Variants in ASCC3 observed in about 807,000 individuals in gnomAD.
The protein encoded by ASCC3 is ASC-1 complex subunit P200.
Under a neutral mutation model 256.3 loss-of-function variants are expected in ASCC3, and 158 were observed. That is an observed-to-expected ratio of 0.62 (90% CI 0.54 to 0.70). The LOEUF (loss-of-function observed/expected upper bound fraction) is 0.70, where lower values mean the gene tolerates loss of function less well. ASCC3 is among the 30% of genes least tolerant of loss of function. The probability of loss-of-function intolerance (pLI) is 0.00; values close to 1 mark genes in which losing one functional copy is unlikely to be tolerated. For missense variants in ASCC3, 2,259 were observed against 2,626.0 expected (o/e 0.86, Z 3.05); for synonymous variants, 948 against 883.4 (o/e 1.07, Z -1.30).
chr6:100,689,273 C>T (rs914788130), intron 13 of ASCC3, among the ~76,000 whole-genome samples: 7 of 152,152 alleles, frequency 4.6e-5, no homozygotes, highest in East Asian at 3.8e-4. Flanking sequence ...GGTCATACTA[C>T]GTGCTAGGTC....
chr6:100,630,303 T>A (rs1169878464), intron 26 of ASCC3, among the ~76,000 whole-genome samples: 2 of 152,134 alleles, frequency 1.3e-5, no homozygotes, highest in Non-Finnish European at 2.9e-5. Context: ...TTTAAAGATT[T>A]ACATTTTATA....
At chr6:100,798,211 T>A (rs1005087453) in intron 8 of ASCC3, among the ~76,000 whole-genome samples, 4 of 152,082 alleles carry the variant, frequency 2.6e-5, no homozygotes, top group African/African-American at 9.7e-5. Context: ...ATAGAGCAAA[T>A]GTGCCAAAAT....
intron 10 of ASCC3, among the ~76,000 whole-genome samples, chr6:100,747,930 G>C (rs1780761811): frequency 6.6e-6 from 1 of 151,898 alleles, no homozygotes; most frequent in South Asian, 2.1e-4. Context: ...GCTTTCCTTA[G>C]AATATAATTG....
chr6:100,679,668 G>A lies in ASCC3; in HGVS notation c.2236C>T (p.Pro746Ser), dbSNP rs1258915725. The A allele has an allele frequency of 3.1e-6, 5 of 1,613,502 alleles. No individual in the cohort carries two copies. In the South Asian group the frequency reaches 5.5e-5, roughly 18 times the overall value. ...TGTCCTTGGGTAGGAAAAAAGAAGG[G>A]AATATGGCCACAATTTTTTGCTCTT... ...IERAKNCGHI[P>S]FFFPTQGHDY... The change falls in exon 14 of 42, where the codon CCC (proline) becomes TCC (serine). Residue 746 changes from proline (P) to serine (S), a missense_variant. This residue lies in a region of ASCC3 where 1,839 missense variants were observed against 2,206.7 expected (regional missense o/e 0.83). Coordinates refer to ENST00000369162, the MANE Select transcript of ASCC3 (RefSeq NM_006828.4).
intron 16 of ASCC3, among the ~76,000 whole-genome samples, chr6:100,658,211 C>G (rs1426260739): frequency 6.6e-6 from 1 of 151,474 alleles, no homozygotes; most frequent in Non-Finnish European, 1.5e-5. Context: ...TCTAACATGA[C>G]ATTTCTAAAA....
chr6:100,623,682 C>T (rs1774080733), intron 30 of ASCC3, among the ~76,000 whole-genome samples: 1 of 152,118 alleles, frequency 6.6e-6, no homozygotes, highest in African/African-American at 2.4e-5. Context: ...CTGATTTCAT[C>T]TGTTTTCATT....
At chr6:100,780,155 A>C (rs1427473138) in intron 8 of ASCC3, among the ~76,000 whole-genome samples, 1 of 152,194 alleles carries the variant, frequency 6.6e-6, no homozygotes, top group African/African-American at 2.4e-5. Flanking sequence ...ATGTATCTAA[A>C]ATATCATCTT....
intron 11 of ASCC3, among the ~76,000 whole-genome samples, chr6:100,723,876 A>ATATATATATATATTTATAAT (rs1554220104): frequency 1.2e-4 from 16 of 131,160 alleles, no homozygotes; most frequent in Non-Finnish European, 2.2e-4. Context: ...ATATATATAT[A>ATATATATATATATTTATAAT]TATATATATA....
chr6:100,564,048 T>C (rs1265228679), intron 36 of ASCC3, among the ~76,000 whole-genome samples: 2 of 151,958 alleles, frequency 1.3e-5, no homozygotes, highest in Admixed American at 1.3e-4. Context: ...CTTTTTTTAA[T>C]ATTAAAAAAA....
At chr6:100,766,831 A>C in intron 9 of ASCC3, 126 bp from the exon 10 acceptor site, 2 of 1,150,320 alleles carry the variant, frequency 1.7e-6, no homozygotes, top group East Asian at 2.5e-5. Flanking sequence ...GAAAAATCTT[A>C]ATAGTGATAT....
intron 27 of ASCC3, among the ~76,000 whole-genome samples, chr6:100,628,718 G>A (rs1445178471): frequency 2.6e-5 from 4 of 152,032 alleles, no homozygotes; most frequent in Non-Finnish European, 5.9e-5. Flanking sequence ...GTAGAATCTT[G>A]AGCCAATTAA....
chr6:100,766,819 G>A, intron 9 of ASCC3, 114 bp from the exon 10 acceptor site: 2 of 1,306,664 alleles, frequency 1.5e-6, no homozygotes, highest in South Asian at 2.5e-5. Flanking sequence ...ACTACTTCCA[G>A]TGAAAAATCT....
intron 2 of ASCC3, 58 bp downstream of exon 2, chr6:100,867,850 G>T: frequency 1.5e-6 from 2 of 1,373,856 alleles, no homozygotes; most frequent in East Asian, 2.3e-5. Context: ...ATGTCAAATA[G>T]TTGTCCATAG....
chr6:100,755,531 A>T (rs989455058), intron 10 of ASCC3, among the ~76,000 whole-genome samples: 1 of 151,846 alleles, frequency 6.6e-6, no homozygotes, highest in Non-Finnish European at 1.5e-5. Flanking sequence ...TATTGTCTTT[A>T]TTATATTGAC....
At chr6:100,532,406 ATTT>A (rs57203625) in intron 37 of ASCC3, among the ~76,000 whole-genome samples, 588 of 48,332 alleles carry the variant, frequency 0.012, 4 homozygotes, top group South Asian at 0.045. Context: ...ATATATATAT[ATTT>A]TTTTTTTTTT....
In ASCC3 at chr6:100,693,266, T is replaced by C. The variant is rs1034630339; in HGVS notation, c.2152-13514A>G. Among the ~76,000 whole-genome samples the C allele has an allele frequency of 2.0e-5, 3 of 151,990 alleles. No homozygotes were observed. The East Asian group carries it at 5.8e-4, about 29-fold the overall frequency. On this transcript the variant is annotated intron_variant, in intron 13 of 41. Transcript: ENST00000369162. ...ATTTAGCCAAACCAACAAACTGAGG[T>C]GTTCAAGTTTTGGTCTGTATAGTGA... is the stretch of plus-strand genomic sequence containing the variant.
chr6:100,559,702 T>C (rs895881891), intron 36 of ASCC3, among the ~76,000 whole-genome samples: 1 of 151,822 alleles, frequency 6.6e-6, no homozygotes, highest in African/African-American at 2.4e-5. Flanking sequence ...ATACAAACAC[T>C]ATCTGGACGT....
chr6:100,775,168 C>T (rs1271746038), intron 8 of ASCC3, among the ~76,000 whole-genome samples: 1 of 151,964 alleles, frequency 6.6e-6, no homozygotes, highest in African/African-American at 2.4e-5. Flanking sequence ...AAAAGCGACA[C>T]GGTTACTATT....
chr6:100,609,009 G>A (rs6899507), intron 30 of ASCC3, among the ~76,000 whole-genome samples: 4,550 of 150,244 alleles, frequency 0.03, 75 homozygotes, highest in African/African-American at 0.055. Context: ...TGATCCGCCC[G>A]TCTCGGCCTC....
Sources: allele counts gnomAD v4.1 joint callset (sites outside exome capture counted in the v4.1 genomes callset), GRCh38; gene constraint gnomAD v4.1.1; regional missense constraint gnomAD v4.1.1; transcripts MANE v1.5; gene names NCBI Gene and HGNC (gene_info 2026-07-23, HGNC 2026-07-21).